EIF2A: variants seen among roughly 807,000 people sequenced by gnomAD.
EIF2A encodes the protein eukaryotic translation initiation factor 2A, also known as 65 kDa eukaryotic translation initiation factor 2A.
A neutral mutation model predicts 75.2 loss-of-function variants in EIF2A; 62 were observed. The ratio of observed to expected loss-of-function variants is 0.82; its 90% CI spans 0.67 to 1.02. The LOEUF (loss-of-function observed/expected upper bound fraction) is 1.02, where lower values mean the gene tolerates loss of function less well. Ranked by LOEUF, EIF2A falls within the 50% of genes least tolerant of loss-of-function variation. The probability of loss-of-function intolerance (pLI) is 0.00; values close to 1 mark genes in which losing one functional copy is unlikely to be tolerated. For missense variants in EIF2A, 611 were observed against 677.7 expected (o/e 0.90, Z 1.09); for synonymous variants, 207 against 239.0 (o/e 0.87, Z 1.23).
Position 150,571,489 on chromosome 3 carries a change from C to G in EIF2A, c.812-469C>G, listed in dbSNP as rs1429132689. On this transcript the variant is annotated intron_variant, in intron 9 of 13. Transcript: ENST00000460851. ...GGGCCCAGTGGCTCATGCCTATAAT[C>G]CTAGCACTTTGGAATGCCAAGGCAG... is the stretch of plus-strand genomic sequence containing the variant. Among the ~76,000 whole-genome samples the G allele has an allele frequency of 3.3e-5, 5 of 152,226 alleles. No homozygotes were observed. The East Asian group carries it at 9.7e-4, about 29-fold the overall frequency.
At position 150,572,065 on chromosome 3, in the gene EIF2A, G is replaced by A; in HGVS notation, c.919G>A (p.Asp307Asn). 1 of 1,613,988 alleles carries A rather than the reference G, an allele frequency of 6.2e-7. No individual in the cohort carries two copies. The highest frequency in any genetic ancestry group is 8.5e-7 in the Non-Finnish European group (1 of 1,179,900). Reference protein sequence around the residue: ...AKATIFNLKCDPVFDFGTGPR... With the variant: ...AKATIFNLKCNPVFDFGTGPR... ...AGCGACAATTTTCAACTTGAAATGTGATCCTGTATTTGACTTTGGAACTGG... is the reference window on the plus strand; with the variant it reads ...AGCGACAATTTTCAACTTGAAATGTAATCCTGTATTTGACTTTGGAACTGG... Residue 307 changes from aspartate (D) to asparagine (N), a missense_variant, in exon 10 of 14, where the codon GAT becomes AAT. Asp to Asn is a conservative substitution (Grantham distance 23). Coordinates refer to ENST00000460851, the MANE Select transcript of EIF2A (RefSeq NM_032025.5).
intron 9 of EIF2A, among the ~76,000 whole-genome samples, chr3:150,569,866 T>C (rs1724406265): frequency 6.6e-6 from 1 of 151,852 alleles, no homozygotes; most frequent in African/African-American, 2.4e-5. Context: ...TTGTGGTATA[T>C]GGATATACTG....
rs1226038803 is a variant in EIF2A at position 150,568,256 on chromosome 3, A to G, written c.775A>G (p.Ile259Val). The G allele has an allele frequency of 6.2e-7, 1 of 1,613,380 alleles. No homozygotes were observed. Among genetic ancestry groups the G allele is most frequent in the African/African-American group, 1.3e-5 (1 of 75,012 alleles). ...SYYGEQTLHY[I>V]ATNGESAVVQ... ...CTATGGAGAACAAACTCTACACTAC[A>G]TTGCAACAAATGGAGAAAGTGCTGT... The change falls in exon 9 of 14, where the codon ATT becomes GTT. Residue 259 changes from isoleucine (I) to valine (V), a missense_variant. Ile to Val is a conservative substitution (Grantham distance 29). Transcript: ENST00000460851.
chr3:150,553,152 G>A (rs1462426446), intron 2 of EIF2A, among the ~76,000 whole-genome samples: 2 of 151,794 alleles, frequency 1.3e-5, no homozygotes, highest in East Asian at 1.9e-4. Context: ...ACCCCATCTC[G>A]GCTAAAAATA....
In EIF2A at chr3:150,562,553, T is replaced by G; in HGVS notation, c.185T>G (p.Ile62Ser). ...TCTTTTGAAACCAGAGTAAATATTA[T>G]CAGTGTCACTAACAAGGGACTACTG... is the stretch of plus-strand genomic sequence containing the variant. ...AWGNGEKVNIISVTNKGLLHS... is the reference protein window; with the variant it reads ...AWGNGEKVNISSVTNKGLLHS... Residue 62 changes from isoleucine (I) to serine (S), a missense_variant, in exon 4 of 14, where the codon ATC becomes AGC. Transcript: ENST00000460851. 1 of 1,611,876 alleles carries G rather than the reference T, an allele frequency of 6.2e-7. No homozygotes were observed. Among genetic ancestry groups the G allele is most frequent in the African/African-American group, 1.3e-5 (1 of 74,988 alleles).
chr3:150,583,175 C>G, intron 12 of EIF2A, 25 bp from the exon 13 acceptor site: 5 of 1,605,170 alleles, frequency 3.1e-6, no homozygotes, highest in East Asian at 2.2e-5. Context: ...CTTCCATGCT[C>G]TTGACTCATA....
chr3:150,552,208 CT>C (rs1218454176), intron 1 of EIF2A, 147 bp from the exon 2 acceptor site: 12 of 643,016 alleles, frequency 1.9e-5, no homozygotes, highest in Non-Finnish European at 2.6e-5. Flanking sequence ...AAAATATGCC[CT>C]TTTGTTGCTA....
In EIF2A at chr3:150,581,622, C is replaced by T. The variant is rs1162539866; in HGVS notation, c.1502C>T (p.Ala501Val). 1 of 1,550,292 alleles carries T rather than the reference C, an allele frequency of 6.5e-7. No homozygotes were observed. The highest frequency in any genetic ancestry group is 2.4e-5 in the East Asian group (1 of 40,910). The stretch of plus-strand genomic sequence containing the variant: ...TTAAAAAAATATTTCCTGCAGGAAG[C>T]AAGAAGTGACAAGAGTCCAGATTTG... ...HEAKKAAKQE[A>V]RSDKSPDLAP... Residue 501 changes from alanine (A) to valine (V), a missense_variant, in exon 12 of 14, where the codon GCA becomes GTA. By Grantham distance (64) the Ala-to-Val change is moderately conservative. Coordinates refer to ENST00000460851, the MANE Select transcript of EIF2A (RefSeq NM_032025.5).
chr3:150,578,494 A>C (rs1390563364), intron 11 of EIF2A, among the ~76,000 whole-genome samples: 1 of 151,668 alleles, frequency 6.6e-6, no homozygotes, highest in Non-Finnish European at 1.5e-5. Flanking sequence ...GCTCATGGTA[A>C]TAGTGTGATC....
At chr3:150,561,332 C>A (rs1467152837) in intron 3 of EIF2A, among the ~76,000 whole-genome samples, 2 of 152,186 alleles carry the variant, frequency 1.3e-5, no homozygotes, top group Non-Finnish European at 2.9e-5. Flanking sequence ...AATCCCAGCA[C>A]TTTGGAAGGC....
Position 150,568,181 on chromosome 3 carries a change from GCT to G in EIF2A, c.701_702del (p.Ala234GlyfsTer6). 6.2e-7 allele frequency: 1 copy of G among 1,612,184 alleles called. No homozygotes were observed. Among genetic ancestry groups the G allele is most frequent in the Non-Finnish European group, 8.5e-7 (1 of 1,179,252 alleles). On this transcript the variant is annotated frameshift_variant, in exon 9 of 14. Coordinates refer to ENST00000460851, the MANE Select transcript of EIF2A (RefSeq NM_032025.5). LOFTEE classifies it high-confidence loss of function. ...TAAAGTTTTTACTGTTATAGCTACT[GCT>G]GTGTTGGTAATAGCTAGCACAGATG... ...VTMLWNKKATAVLVIASTDVD... is the reference protein window; with the variant it reads ...VTMLWNKKATXVLVIASTDVD...
At chr3:150,568,418 AT>A in intron 9 of EIF2A, 126 bp downstream of exon 9, 1 of 760,860 alleles carries the variant, frequency 1.3e-6, no homozygotes, top group Non-Finnish European at 1.9e-6. Context: ...AACCTTTAAG[AT>A]AAAATTTTTC....
chr3:150,546,921 G>T, intron 1 of EIF2A, 91 bp downstream of exon 1: 1 of 1,563,992 alleles, frequency 6.4e-7, no homozygotes, highest in Admixed American at 1.7e-5. Context: ...GAGCCGGGGA[G>T]TCTGATCTGC....
At chr3:150,571,679 C>T (rs1337254891) in intron 9 of EIF2A, among the ~76,000 whole-genome samples, 1 of 152,058 alleles carries the variant, frequency 6.6e-6, no homozygotes, top group South Asian at 2.1e-4. Context: ...CGTATTACCC[C>T]TTCCAAAAAC....
chr3:150,556,593 G>A (rs994914492), intron 2 of EIF2A, among the ~76,000 whole-genome samples: 4 of 140,410 alleles, frequency 2.8e-5, no homozygotes, highest in African/African-American at 1.0e-4. Context: ...GGAATGTTGT[G>A]GCATGAAAGA....
Position 150,572,021 on chromosome 3 carries a change from A to G in EIF2A, c.875A>G (p.Tyr292Cys). The part of the protein sequence containing the change: ...NSSSTEFCAV[Y>C]GFMPAKATIF... ...AGTTCTACTGAGTTTTGTGCTGTAT[A>G]TGGTTTTATGCCTGCCAAAGCGACA... Residue 292 changes from tyrosine (Y) to cysteine (C), a missense_variant, in exon 10 of 14, where the codon TAT (tyrosine) becomes TGT (cysteine). Tyr to Cys is a radical substitution (Grantham distance 194). Coordinates refer to ENST00000460851, the MANE Select transcript of EIF2A (RefSeq NM_032025.5). The G allele has an allele frequency of 1.2e-6, 2 of 1,613,918 alleles. No individual in the cohort carries two copies. Among genetic ancestry groups the G allele is most frequent in the East Asian group, 2.2e-5 (1 of 44,878 alleles).
rs1391256186 is a variant in EIF2A, at chr3:150,567,665, A to G, written c.476-28A>G. On this transcript the variant is annotated intron_variant, in intron 6 of 13. Transcript: ENST00000460851. ...ATGTTCCTTTTAGGTTCTCTCATCA[A>G]TCTGATTTAATTTACTCTTTTTTTT... The G allele has an allele frequency of 9.7e-6, 14 of 1,438,956 alleles. 1 individual carries two copies. The highest frequency in any genetic ancestry group is 1.4e-5 in the African/African-American group (1 of 69,880). 89.1% of individuals were successfully genotyped at this position (1,438,956 alleles called of 1,614,324 possible).
chr3:150,563,059 C>T lies in EIF2A; in HGVS notation c.292+399C>T, dbSNP rs79645340. Among the ~76,000 whole-genome samples the T allele has an allele frequency of 2.3e-3, 357 of 152,050 alleles. 4 individuals are homozygous for T. Among genetic ancestry groups the T allele is most frequent in the African/African-American group, 7.2e-3 (300 of 41,492 alleles). ...ATCTAAGGGATGTGTATGGTAGAGT[C>T]GAAAATGTTGTGCCATTTTCCAAAA... On this transcript the variant is annotated intron_variant, in intron 4 of 13. Coordinates refer to ENST00000460851, the MANE Select transcript of EIF2A (RefSeq NM_032025.5).
Position 150,584,093 on chromosome 3 carries a change from A to G in EIF2A, c.*182A>G, listed in dbSNP as rs894174532. 5.4e-6 allele frequency: 3 copies of G among 558,930 alleles called. No homozygotes were observed. Among genetic ancestry groups the G allele is most frequent in the Non-Finnish European group, 9.2e-6 (3 of 326,418 alleles). 34.6% of individuals were successfully genotyped at this position (558,930 alleles called of 1,614,324 possible). Reference sequence around the variant, plus strand: ...TAATGTCTATTAAATTGATATTTATATCTTGCATCCTATATCATGTCAATA... The same window carrying G: ...TAATGTCTATTAAATTGATATTTATGTCTTGCATCCTATATCATGTCAATA... On this transcript the variant is annotated 3_prime_UTR_variant, in exon 14 of 14. Coordinates refer to ENST00000460851, the MANE Select transcript of EIF2A (RefSeq NM_032025.5).
Sources: gnomAD v4.1 joint callset for allele counts (sites outside exome capture counted in the v4.1 genomes callset) on GRCh38, gnomAD v4.1.1 for gene constraint, MANE v1.5 for transcripts, NCBI Gene and HGNC (gene_info 2026-07-23, HGNC 2026-07-21) for gene names.